The following CHRDL2 variants were observed in gnomAD, a reference collection of about 807,000 sequenced individuals.
CHRDL2 encodes the protein chordin-like protein 2.
Under a neutral mutation model 54.3 loss-of-function variants are expected in CHRDL2, and 41 were observed. The observed-to-expected ratio is 0.76, with a 90% CI of 0.59 to 0.98. The LOEUF is 0.98. CHRDL2 is among the 50% of genes least tolerant of loss of function. CHRDL2 has a pLI of 0.00. For missense variants in CHRDL2, 518 were observed against 562.4 expected, an observed-to-expected ratio of 0.92 and a Z score of 0.80; for synonymous variants, 220 against 224.3, an observed-to-expected ratio of 0.98 and a Z score of 0.17.
chr11:74,726,624 G>C (rs1442271089), intron 1 of CHRDL2, among the ~76,000 whole-genome samples: 1 of 152,196 alleles, frequency 6.6e-6, no homozygotes, highest in Non-Finnish European at 1.5e-5. Context: ...CCAGAGTCCG[G>C]CGCCATGGTT....
At chr11:74,728,044 G>A (rs1236279991) in intron 1 of CHRDL2, among the ~76,000 whole-genome samples, 1 of 152,142 alleles carries the variant, frequency 6.6e-6, no homozygotes, top group Non-Finnish European at 1.5e-5. Context: ...TTCAACCTGT[G>A]GCCAAGGTTG....
intron 4 of CHRDL2, among the ~76,000 whole-genome samples, chr11:74,710,589 A>T (rs1357258713): frequency 2.0e-5 from 3 of 152,038 alleles, no homozygotes; most frequent in Non-Finnish European, 2.9e-5. Context: ...AGAAATGAAA[A>T]ACATATGTTT....
chr11:74,707,712 G>A (rs974603965), intron 5 of CHRDL2, among the ~76,000 whole-genome samples: 1 of 151,904 alleles, frequency 6.6e-6, no homozygotes, highest in East Asian at 1.9e-4. Flanking sequence ...CCCTGCACGG[G>A]CTCCCCAACA....
intron 4 of CHRDL2, among the ~76,000 whole-genome samples, chr11:74,708,776 C>T (rs2034096593): frequency 6.6e-6 from 1 of 152,198 alleles, no homozygotes; most frequent in African/African-American, 2.4e-5. Context: ...CTGAAATCAA[C>T]ATCATGGGAG....
intron 2 of CHRDL2, among the ~76,000 whole-genome samples, chr11:74,717,962 C>T (rs1200994833): frequency 1.3e-5 from 2 of 152,184 alleles, no homozygotes; most frequent in Non-Finnish European, 2.9e-5. Flanking sequence ...GAATTCTGGA[C>T]CACATGGGGG....
chr11:74,706,647 G>A, intron 5 of CHRDL2, 105 bp from the exon 6 acceptor site: 1 of 1,062,272 alleles, frequency 9.4e-7, no homozygotes, highest in South Asian at 1.3e-5. Context: ...AAGGCCTGCT[G>A]TCCCATCTGC....
In CHRDL2 at chr11:74,729,297, C is replaced by T. The variant is rs149093669; in HGVS notation, c.82+1510G>A. On this transcript the variant is annotated intron_variant, in intron 1 of 10. Coordinates refer to ENST00000376332, the MANE Select transcript of CHRDL2 (RefSeq NM_001278473.3). ...AGGAAACCCTCAGGGTTCAAGAAAG[C>T]GGAAGAGACATTTATTAAGTACACA... is the stretch of plus-strand genomic sequence containing the variant. Among the ~76,000 whole-genome samples, 421 of 152,348 alleles carry T rather than the reference C, an allele frequency of 2.8e-3. 5 individuals carry two copies. Among genetic ancestry groups the T allele is most frequent in the Admixed American group, 0.025 (382 of 15,300 alleles).
rs921431412 is a variant in CHRDL2 at position 74,720,625 on chromosome 11, C to A, written c.83-1793G>T. On this transcript the variant is annotated intron_variant, in intron 1 of 10. Transcript: ENST00000376332. ...CTCCTTCTCATTTTCCAGAGTCAAG[C>A]GTCTTAGAAACATGGGTTCTTACAC... is the stretch of plus-strand genomic sequence containing the variant. 2.0e-5 allele frequency among the ~76,000 whole-genome samples: 3 copies of A among 152,218 alleles called. No individual in the cohort carries two copies. In the East Asian group the frequency reaches 5.8e-4, roughly 29 times the overall value.
intron 3 of CHRDL2, among the ~76,000 whole-genome samples, chr11:74,711,977 T>G (rs888663060): frequency 1.3e-5 from 2 of 151,876 alleles, no homozygotes; most frequent in African/African-American, 2.4e-5. Context: ...ATCCAGCTAA[T>G]TTTTTTGTAT....
chr11:74,704,418 G>A (rs969927717), intron 7 of CHRDL2, 68 bp downstream of exon 7: 3 of 1,463,912 alleles, frequency 2.0e-6, no homozygotes, highest in African/African-American at 2.9e-5. Flanking sequence ...GGGGTTGGGG[G>A]TGGGAGGTGG....
chr11:74,710,529 A>G (rs1241945816), intron 4 of CHRDL2, among the ~76,000 whole-genome samples: 1 of 152,192 alleles, frequency 6.6e-6, no homozygotes, highest in African/African-American at 2.4e-5. Flanking sequence ...TTCAATAATC[A>G]TTACAGATGT....
intron 2 of CHRDL2, among the ~76,000 whole-genome samples, chr11:74,714,975 G>T (rs1010492123): frequency 1.3e-5 from 2 of 152,142 alleles, no homozygotes; most frequent in Non-Finnish European, 2.9e-5. Flanking sequence ...CTGAGGTAGG[G>T]CCTTTACGTT....
chr11:74,711,250 C>T (rs1306045417), intron 3 of CHRDL2, among the ~76,000 whole-genome samples: 1 of 152,138 alleles, frequency 6.6e-6, no homozygotes. Flanking sequence ...GGGCCAGCCC[C>T]AACCAGAGCA....
intron 9 of CHRDL2, among the ~76,000 whole-genome samples, chr11:74,700,622 T>TTTATTA (rs1554984202): frequency 0.058 from 8,084 of 140,276 alleles, 332 homozygotes; most frequent in East Asian, 0.16. Context: ...GAATCTTTTT[T>TTTATTA]TTATTATTAT....
chr11:74,709,204 C>G (rs577358378), intron 4 of CHRDL2, among the ~76,000 whole-genome samples: 1 of 152,152 alleles, frequency 6.6e-6, no homozygotes, highest in African/African-American at 2.4e-5. Flanking sequence ...GGAGAATGAA[C>G]AGAGGAATCC....
intron 6 of CHRDL2, among the ~76,000 whole-genome samples, chr11:74,705,883 G>A (rs958675786): frequency 1.4e-4 from 22 of 152,106 alleles, no homozygotes; most frequent in African/African-American, 2.4e-4. Flanking sequence ...CTAGTCTCCC[G>A]GAGACCAGGA....
chr11:74,726,399 C>T (rs1314247111), intron 1 of CHRDL2, among the ~76,000 whole-genome samples: 1 of 152,134 alleles, frequency 6.6e-6, no homozygotes, highest in Non-Finnish European at 1.5e-5. Flanking sequence ...GGACACCCAT[C>T]CCCTACTAGG....
intron 4 of CHRDL2, among the ~76,000 whole-genome samples, chr11:74,708,630 ACT>A (rs981871480): frequency 6.6e-6 from 1 of 151,972 alleles, no homozygotes; most frequent in African/African-American, 2.4e-5. Flanking sequence ...CTTCTGACTC[ACT>A]CACAGCCAGG....
intron 9 of CHRDL2, chr11:74,698,350 G>A (rs1235732287): frequency 6.6e-6 from 1 of 151,614 alleles, no homozygotes; most frequent in African/African-American, 2.4e-5. Flanking sequence ...GGGATTACAG[G>A]CGTGAGCCAC....
Sources: allele counts gnomAD v4.1 joint callset (sites outside exome capture counted in the v4.1 genomes callset), GRCh38; gene constraint gnomAD v4.1.1; transcripts MANE v1.5; gene names NCBI Gene and HGNC (gene_info 2026-07-23, HGNC 2026-07-21).